LRRC4C: variants seen among roughly 807,000 people sequenced by gnomAD.
LRRC4C encodes the protein leucine rich repeat containing 4C, also known as leucine-rich repeat-containing protein 4C.
LRRC4C carries 5 observed loss-of-function variants against 33.6 expected under a neutral mutation model. The observed-to-expected ratio is 0.15, with a 90% confidence interval of 0.08 to 0.31. LRRC4C has a LOEUF of 0.31. Ranked by LOEUF, LRRC4C falls within the 10% of genes least tolerant of loss-of-function variation. The probability of loss-of-function intolerance (pLI) is 1.00; values close to 1 mark genes in which losing one functional copy is unlikely to be tolerated. For synonymous variants in LRRC4C, 329 were observed against 302.0 expected (o/e 1.09, Z -0.93); for missense variants, 560 against 796.7 (o/e 0.70, Z 3.58).
At chr11:40,970,063 A>G (rs1454735544) in intron 1 of LRRC4C, among the ~76,000 whole-genome samples, 5 of 152,150 alleles carry the variant, frequency 3.3e-5, no homozygotes, top group South Asian at 2.1e-4. Context: ...AGCTATGAGA[A>G]GCAGAGACCT....
At chr11:41,194,232 C>T (rs545789337) in intron 1 of LRRC4C, among the ~76,000 whole-genome samples, 1 of 152,008 alleles carries the variant, frequency 6.6e-6, no homozygotes, top group Admixed American at 6.6e-5. Context: ...GGCATTCAGT[C>T]AACAGTAGGC....
chr11:41,162,400 T>C (rs1484229399), intron 1 of LRRC4C, among the ~76,000 whole-genome samples: 1 of 152,184 alleles, frequency 6.6e-6, no homozygotes, highest in Admixed American at 6.6e-5. Context: ...ACTTGCTCAG[T>C]GATACCCATA....
At chr11:40,343,301 G>A (rs1366919584) in intron 3 of LRRC4C, among the ~76,000 whole-genome samples, 1 of 151,910 alleles carries the variant, frequency 6.6e-6, no homozygotes, top group Non-Finnish European at 1.5e-5. Context: ...CAAATTACTT[G>A]ACATCTGTAT....
intron 1 of LRRC4C, among the ~76,000 whole-genome samples, chr11:41,319,182 TTA>T (rs1306359932): frequency 6.6e-6 from 1 of 152,088 alleles, no homozygotes; most frequent in Non-Finnish European, 1.5e-5. Flanking sequence ...ACCAGGAAAG[TTA>T]TGTTACTGAA....
intron 3 of LRRC4C, among the ~76,000 whole-genome samples, chr11:40,554,353 C>T (rs1472318426): frequency 6.6e-6 from 1 of 152,080 alleles, no homozygotes; most frequent in Non-Finnish European, 1.5e-5. Flanking sequence ...AAAAGTGTAG[C>T]ATGCTGTAGT....
intron 3 of LRRC4C, among the ~76,000 whole-genome samples, chr11:40,466,987 A>C (rs898478688): frequency 6.6e-6 from 1 of 152,126 alleles, no homozygotes; most frequent in African/African-American, 2.4e-5. Context: ...TGAAGCATGC[A>C]TGTTTGAGTT....
chr11:40,569,156 C>A (rs919461988), intron 3 of LRRC4C, among the ~76,000 whole-genome samples: 1 of 152,144 alleles, frequency 6.6e-6, no homozygotes, highest in Non-Finnish European at 1.5e-5. Context: ...GATCTCCACA[C>A]CTTTCAGGCC....
intron 1 of LRRC4C, among the ~76,000 whole-genome samples, chr11:41,336,242 CTT>C (rs201060992): frequency 3.4e-5 from 5 of 148,772 alleles, no homozygotes; most frequent in African/African-American, 1.3e-4. Flanking sequence ...ATAGACTTTC[CTT>C]TTTTTTTAAA....
At chr11:40,429,568 T>TAAAAAA (rs59538764) in intron 3 of LRRC4C, among the ~76,000 whole-genome samples, 21 of 147,768 alleles carry the variant, frequency 1.4e-4, no homozygotes, top group African/African-American at 5.0e-4. Context: ...GCAATAATAA[T>TAAAAAA]AAAAAAAAAA....
At chr11:40,809,139 G>A (rs954719890) in intron 2 of LRRC4C, among the ~76,000 whole-genome samples, 1 of 152,012 alleles carries the variant, frequency 6.6e-6, no homozygotes, top group African/African-American at 2.4e-5. Context: ...TCAATTCTCT[G>A]CTTCCCTTTA....
In LRRC4C at chr11:41,143,230, CAA is replaced by C. The variant is rs71061001; in HGVS notation, c.-495-209509_-495-209508del. 8.1e-3 allele frequency among the ~76,000 whole-genome samples: 1,174 copies of C among 145,498 alleles called. 21 individuals are homozygous for C. Among genetic ancestry groups the C allele is most frequent in the Middle Eastern group, 0.026 (7 of 274 alleles). On this transcript the variant is annotated intron_variant, in intron 1 of 6. Coordinates refer to ENST00000528697, the MANE Select transcript of LRRC4C (RefSeq NM_001258419.2). ...AATATGATAAAAGTGAAGCAAAACTCAAAAAAAAAAAATGAATGCATGTCATC... is the reference window on the plus strand; with the variant it reads ...AATATGATAAAAGTGAAGCAAAACTCAAAAAAAAAATGAATGCATGTCATC...
intron 1 of LRRC4C, among the ~76,000 whole-genome samples, chr11:41,051,977 A>G (rs1401431449): frequency 6.6e-6 from 1 of 152,170 alleles, no homozygotes. Context: ...TCTTGGGAAC[A>G]GAGCAAATTG....
chr11:41,150,239 T>G (rs1433568262), intron 1 of LRRC4C, among the ~76,000 whole-genome samples: 1 of 152,220 alleles, frequency 6.6e-6, no homozygotes, highest in Non-Finnish European at 1.5e-5. Context: ...AAACTGCTAG[T>G]GTATTCTACA....
At chr11:40,951,369 C>T (rs1478996094) in intron 1 of LRRC4C, among the ~76,000 whole-genome samples, 1 of 151,656 alleles carries the variant, frequency 6.6e-6, no homozygotes, top group Non-Finnish European at 1.5e-5. Flanking sequence ...GAACTGCCTG[C>T]TATTGTGCTT....
At chr11:40,176,238 G>A (rs1031410415) in intron 5 of LRRC4C, among the ~76,000 whole-genome samples, 41 of 152,120 alleles carry the variant, frequency 2.7e-4, no homozygotes, top group Non-Finnish European at 3.1e-4. Context: ...TAATAAGACT[G>A]CGCATAAAGA....
intron 4 of LRRC4C, among the ~76,000 whole-genome samples, chr11:40,304,912 G>A (rs1035191581): frequency 1.3e-5 from 2 of 151,996 alleles, no homozygotes; most frequent in Non-Finnish European, 2.9e-5. Flanking sequence ...TTACAGGTGC[G>A]TGCCACCATG....
At chr11:40,774,124 C>G (rs1949878829) in intron 2 of LRRC4C, among the ~76,000 whole-genome samples, 1 of 151,940 alleles carries the variant, frequency 6.6e-6, no homozygotes, top group South Asian at 2.1e-4. Context: ...CTTTTTATGT[C>G]TAGTTTCACT....
rs1045643220 is a variant in LRRC4C at position 41,224,730 on chromosome 11, T to C, written c.-496+234701A>G. 7.2e-5 allele frequency among the ~76,000 whole-genome samples: 11 copies of C among 152,328 alleles called. No individual in the cohort carries two copies. The South Asian group carries it at 2.3e-3, about 32-fold the overall frequency. ...TGGCTATAATTCTCTCATTGGATTC[T>C]ATGTGGGATTAACTGAGATGATGTG... is the stretch of plus-strand genomic sequence containing the variant. On this transcript the variant is annotated intron_variant, in intron 1 of 6. Coordinates refer to ENST00000528697, the MANE Select transcript of LRRC4C (RefSeq NM_001258419.2).
At chr11:40,813,118 A>G (rs1419828806) in intron 2 of LRRC4C, among the ~76,000 whole-genome samples, 5 of 152,210 alleles carry the variant, frequency 3.3e-5, no homozygotes, top group Non-Finnish European at 1.5e-5. Flanking sequence ...ATGCCAGAAT[A>G]AAATCTAATT....
Sources: gnomAD v4.1 joint callset for allele counts (sites outside exome capture counted in the v4.1 genomes callset) on GRCh38, gnomAD v4.1.1 for gene constraint, MANE v1.5 for transcripts, NCBI Gene and HGNC (gene_info 2026-07-23, HGNC 2026-07-21) for gene names.